TBC1D30: variants seen among roughly 807,000 people sequenced by gnomAD.
The protein encoded by TBC1D30 is TBC1 domain family member 30.
A neutral mutation model predicts 63.2 loss-of-function variants in TBC1D30; 31 were observed. The ratio of observed to expected loss-of-function variants is 0.49; its 90% CI spans 0.37 to 0.66. TBC1D30 has a LOEUF of 0.66. Ranked by LOEUF, TBC1D30 falls within the 30% of genes least tolerant of loss-of-function variation. The pLI, the probability that TBC1D30 is intolerant of heterozygous loss-of-function variation, is 0.00. For missense variants in TBC1D30, 810 were observed against 953.6 expected (o/e 0.85, Z 1.98); for synonymous variants, 307 against 361.5 (o/e 0.85, Z 1.71).
intron 2 of TBC1D30, among the ~76,000 whole-genome samples, chr12:64,815,247 C>G (rs1873451985): frequency 6.6e-6 from 1 of 152,174 alleles, no homozygotes; most frequent in Non-Finnish European, 1.5e-5. Flanking sequence ...TTACACAGGT[C>G]TTAATTTTAC....
chr12:64,802,648 TC>T lies in TBC1D30; in HGVS notation c.643+16608del, dbSNP rs1024161915. ...ATCTCCTAATGCTATCCCTCCCCCG[TC>T]CCCCACCGCATGACAGGCCCCGGTG... On this transcript the variant is annotated intron_variant, in intron 2 of 12. Coordinates refer to the TBC1D30 transcript ENST00000542120. Among the ~76,000 whole-genome samples the T allele has an allele frequency of 1.1e-4, 16 of 151,886 alleles. No individual in the cohort carries two copies. In the South Asian group the frequency reaches 1.9e-3, roughly 18 times the overall value.
intron 11 of TBC1D30, among the ~76,000 whole-genome samples, chr12:64,872,276 C>A (rs554447359): frequency 3.3e-4 from 51 of 152,334 alleles, no homozygotes; most frequent in African/African-American, 1.2e-3. Flanking sequence ...GATCTGCCCA[C>A]CTTGGCCTCC....
chr12:64,793,371 C>T lies in TBC1D30; in HGVS notation c.643+7326C>T, dbSNP rs144207632. Among the ~76,000 whole-genome samples the T allele has an allele frequency of 6.6e-5, 10 of 151,056 alleles. No individual in the cohort carries two copies. In the East Asian group the frequency reaches 9.8e-4, roughly 15 times the overall value. On this transcript the variant is annotated intron_variant, in intron 2 of 12. Transcript: ENST00000542120. ...AAATAAAAAATAAAAATAGGCAGGG[C>T]GCAATGGCTCATGCGTGTAATCCCA... is the stretch of plus-strand genomic sequence containing the variant.
chr12:64,872,597 G>A (rs1878741774), intron 11 of TBC1D30, among the ~76,000 whole-genome samples: 1 of 152,194 alleles, frequency 6.6e-6, no homozygotes, highest in Non-Finnish European at 1.5e-5. Context: ...GTTTCAGTAG[G>A]TTTGGAATGG....
At chr12:64,849,258 G>A (rs375967217) in intron 8 of TBC1D30, among the ~76,000 whole-genome samples, 3 of 152,110 alleles carry the variant, frequency 2.0e-5, no homozygotes, top group East Asian at 1.9e-4. Context: ...TTCTTTTGCT[G>A]TGCAGAAGCT....
chr12:64,859,164 G>T (rs1275909947), intron 8 of TBC1D30, among the ~76,000 whole-genome samples: 1 of 151,980 alleles, frequency 6.6e-6, no homozygotes, highest in East Asian at 1.9e-4. Context: ...CTCTGGTGCA[G>T]AGTGGAGAGT....
chr12:64,853,823 A>AT (rs1379304645), intron 8 of TBC1D30, among the ~76,000 whole-genome samples: 14 of 152,068 alleles, frequency 9.2e-5, no homozygotes, highest in East Asian at 1.9e-4. Context: ...GGCTGCACCC[A>AT]TTTTCTAACC....
chr12:64,831,949 G>A (rs1001185423), intron 4 of TBC1D30, among the ~76,000 whole-genome samples, 170 bp from the exon 5 acceptor site: 2 of 151,332 alleles, frequency 1.3e-5, no homozygotes, highest in African/African-American at 4.9e-5. Flanking sequence ...AAAATATTAT[G>A]AAAAAGAAAG....
intron 2 of TBC1D30, chr12:64,818,897 C>T (rs1565655595): frequency 1.3e-5 from 2 of 152,104 alleles, no homozygotes; most frequent in Non-Finnish European, 2.9e-5. Flanking sequence ...TGGTCAATAT[C>T]AATCTAGCTC....
At chr12:64,824,328 T>A (rs1874091634), upstream of TBC1D30, among the ~76,000 whole-genome samples, 1 of 152,210 alleles carries the variant, frequency 6.6e-6, no homozygotes, top group Admixed American at 6.5e-5. Flanking sequence ...TGGCCCCTTC[T>A]GAGACTGCTC....
intron 2 of TBC1D30, among the ~76,000 whole-genome samples, chr12:64,805,293 C>T (rs1592568133): frequency 6.6e-6 from 1 of 152,208 alleles, no homozygotes; most frequent in African/African-American, 2.4e-5. Flanking sequence ...TATAAAAAGA[C>T]ACAGGCTTTA....
chr12:64,767,055 G>A (rs1870739553), intron 1 of TBC1D30, among the ~76,000 whole-genome samples: 1 of 152,068 alleles, frequency 6.6e-6, no homozygotes, highest in South Asian at 2.1e-4. Flanking sequence ...AGAGCTTGAA[G>A]AGTAATTTGT....
At chr12:64,818,387 C>T in intron 2 of TBC1D30, 17 of 982,850 alleles carry the variant, frequency 1.7e-5, no homozygotes, top group Non-Finnish European at 2.1e-5. Flanking sequence ...TTTAAAGGAC[C>T]TTTCACACAA....
intron 8 of TBC1D30, among the ~76,000 whole-genome samples, chr12:64,846,452 A>G (rs2136412548): frequency 6.9e-6 from 1 of 144,568 alleles, no homozygotes; most frequent in African/African-American, 2.6e-5. Context: ...TTTATTGAAG[A>G]GATTGTCTTT....
In TBC1D30 at chr12:64,866,810, G is replaced by A. The variant is rs1187719655; in HGVS notation, c.1198G>A (p.Asp400Asn). 3.3e-6 allele frequency: 5 copies of A among 1,536,560 alleles called. No homozygotes were observed. Among genetic ancestry groups the A allele is most frequent in the East Asian group, 2.4e-5 (1 of 40,922 alleles). Residue 400 changes from aspartate to asparagine, a missense_variant, in exon 10 of 12, where the codon GAT (aspartate) becomes AAT (asparagine). Transcript: ENST00000539867. ...CAGTGATGAAGAGAATGACCCAGACGATGAGGATGCTGTCGTTAATGCAGT... is the reference window on the plus strand; with the variant it reads ...CAGTGATGAAGAGAATGACCCAGACAATGAGGATGCTGTCGTTAATGCAGT... ...RDSDEENDPDDEDAVVNAVGC... is the reference protein window; with the variant it reads ...RDSDEENDPDNEDAVVNAVGC...
At chr12:64,786,326 T>TTTA (rs150724143) in intron 2 of TBC1D30, among the ~76,000 whole-genome samples, 32 of 149,694 alleles carry the variant, frequency 2.1e-4, no homozygotes, top group African/African-American at 7.6e-4. Context: ...TACAATTTTA[T>TTTA]TTTATTTATT....
In TBC1D30 at chr12:64,877,590, G is replaced by C. The variant is rs1879178896; in HGVS notation, c.*1802G>C. 1 of 152,188 alleles carries C rather than the reference G, an allele frequency of 6.6e-6. No homozygotes were observed. Among genetic ancestry groups the C allele is most frequent in the Non-Finnish European group, 1.5e-5 (1 of 68,040 alleles). The allele number at this position is 152,188 out of a possible 1,614,324, so 9.4% of individuals were successfully genotyped here. A position where few individuals can be genotyped will look rare whatever the true frequency, so the allele number is the denominator to read the frequency against. ...GGTCTTGAATTCTGTGCCATCTGAA[G>C]TTAGCATCCAGCTTCTTAAAAAGCA... is the stretch of plus-strand genomic sequence containing the variant. On this transcript the variant is annotated 3_prime_UTR_variant, in exon 12 of 12. Transcript: ENST00000539867.
At chr12:64,807,055 G>A (rs1433817263) in intron 2 of TBC1D30, among the ~76,000 whole-genome samples, 1 of 152,150 alleles carries the variant, frequency 6.6e-6, no homozygotes, top group African/African-American at 2.4e-5. Context: ...GTTTGGCTGT[G>A]TCCCCACCCA....
chr12:64,855,372 T>C (rs1328135620), intron 8 of TBC1D30, among the ~76,000 whole-genome samples: 2 of 152,200 alleles, frequency 1.3e-5, no homozygotes, highest in Non-Finnish European at 2.9e-5. Flanking sequence ...GTACTTCTCT[T>C]GGTTTGGGAA....
Sources: gnomAD v4.1 joint callset for allele counts (sites outside exome capture counted in the v4.1 genomes callset) on GRCh38, gnomAD v4.1.1 for gene constraint, MANE v1.5 for transcripts, NCBI Gene and HGNC (gene_info 2026-07-23, HGNC 2026-07-21) for gene names.